Variants in NEB observed in about 807,000 individuals in gnomAD.
The protein encoded by NEB is nebulin.
NEB carries 512 observed loss-of-function variants against 952.2 expected under a neutral mutation model. The ratio of observed to expected loss-of-function variants is 0.54; its 90% CI spans 0.50 to 0.58. The LOEUF (loss-of-function observed/expected upper bound fraction) is 0.58, where lower values mean the gene tolerates loss of function less well. NEB is among the 20% of genes least tolerant of loss of function. The pLI is 0.00. For missense variants in NEB, 8,428 were observed against 9,231.1 expected (o/e 0.91, Z 3.56); for synonymous variants, 2,900 against 3,149.8 (o/e 0.92, Z 2.66).
chr2:151,709,713 C>T lies in NEB; in HGVS notation c.978G>A (p.Met326Ile). Residue 326 changes from methionine to isoleucine, a missense_variant, in exon 12 of 182, where the codon ATG becomes ATA. Met to Ile is a conservative substitution (Grantham distance 10). Transcript: ENST00000397345. ...FENMKDQIYF[M>I]QTETPEYKMN... The stretch of plus-strand genomic sequence containing the variant: ...TTTTATACTCTGGTGTTTCGGTCTG[C>T]ATGAAGTAGATCTGGTCTTTCATGT... The T allele has an allele frequency of 6.2e-7, 1 of 1,606,604 alleles. No homozygotes were observed. The highest frequency in any genetic ancestry group is 1.1e-5 in the South Asian group (1 of 89,428).
At position 151,610,057 on chromosome 2, in the gene NEB, C is replaced by T. The variant is rs2153972179; in HGVS notation, c.12082G>A (p.Asp4028Asn). The T allele has an allele frequency of 5.6e-6, 9 of 1,613,836 alleles. No homozygotes were observed. Among genetic ancestry groups the T allele is most frequent in the Non-Finnish European group, 7.6e-6 (9 of 1,179,836 alleles). ...GHHIGAQSIE[D>N]DPKIMCAIHA... ...ATGGCACACATAATCTTGGGATCAT[C>T]TTCAATGCTCTGGGCTCCAATGTGG... is the stretch of plus-strand genomic sequence containing the variant. Residue 4028 changes from aspartate (D) to asparagine (N), a missense_variant, in exon 81 of 182, where the codon GAT (aspartate) becomes AAT (asparagine). This residue lies in a region of NEB where 337 missense variants were observed against 297.5 expected (regional missense o/e 1.13). Transcript: ENST00000397345.
At position 151,671,027 on chromosome 2, in the gene NEB, C is replaced by T; in HGVS notation, c.4502G>A (p.Ser1501Asn). Residue 1501 changes from serine to asparagine, a missense_variant, in exon 38 of 182, where the codon AGT (serine) becomes AAT (asparagine). Physicochemically the swap from Ser to Asn is conservative, Grantham distance 46 (BLOSUM62 1). Coordinates refer to ENST00000397345, the MANE Select transcript of NEB (RefSeq NM_001164508.2). ...VLAQHNTKQL[S>N]DLNYKVEGEK... Reference sequence around the variant, plus strand: ...TTTTGAAAGGAAAGCACTCACATCACTTAGCTGCTTTGTGTTATGCTGAGC... The same window carrying T: ...TTTTGAAAGGAAAGCACTCACATCATTTAGCTGCTTTGTGTTATGCTGAGC... The T allele has an allele frequency of 6.2e-7, 1 of 1,613,324 alleles. No homozygotes were observed. Among genetic ancestry groups the T allele is most frequent in the South Asian group, 1.1e-5 (1 of 91,078 alleles).
chr2:151,696,615 C>T lies in NEB; in HGVS notation c.1569+22G>A, dbSNP rs368821800. The T allele has an allele frequency of 6.3e-5, 99 of 1,570,198 alleles. No homozygotes were observed. The African/African-American group carries it at 1.2e-3, about 19-fold the overall frequency. ...ATGTTATCCCTCATAATTGGGTGTC[C>T]TGAGTAGTTAGAGGAACTTACGTCA... is the stretch of plus-strand genomic sequence containing the variant. On this transcript the variant is annotated intron_variant, in intron 17 of 181. Coordinates refer to ENST00000397345, the MANE Select transcript of NEB (RefSeq NM_001164508.2).
Position 151,640,576 on chromosome 2 carries a change from G to A in NEB, c.8464C>T (p.His2822Tyr), listed in dbSNP as rs757579723. The A allele has an allele frequency of 1.2e-6, 2 of 1,613,880 alleles. No homozygotes were observed. The highest frequency in any genetic ancestry group is 1.7e-6 in the Non-Finnish European group (2 of 1,179,858). Reference sequence around the variant, plus strand: ...CTGTCACTCTGGATCTTGGCCACGTGCATGGACCACATCATCTTGGGGTCA... The same window carrying A: ...CTGTCACTCTGGATCTTGGCCACGTACATGGACCACATCATCTTGGGGTCA... ...RDDPKMMWSM[H>Y]VAKIQSDREY... The change falls in exon 61 of 182, where the codon CAC (histidine) becomes TAC (tyrosine). Residue 2822 changes from histidine to tyrosine, a missense_variant. Around this residue, in one of 11 missense-constraint regions of NEB, gnomAD observed 1,772 missense variants for 1,960.3 expected, o/e 0.90. Coordinates refer to ENST00000397345, the MANE Select transcript of NEB (RefSeq NM_001164508.2).
At chr2:151,535,543 T>C (rs577380338) in intron 142 of NEB, 148 bp downstream of exon 142, 1 of 548,116 alleles carries the variant, frequency 1.8e-6, no homozygotes, top group Non-Finnish European at 3.2e-6. Context: ...GATGGTGACA[T>C]TATAGAGTCT....
At chr2:151,527,459 G>T in intron 147 of NEB, 22 bp downstream of exon 147, 2 of 1,558,766 alleles carry the variant, frequency 1.3e-6, no homozygotes, top group Admixed American at 1.7e-5. Flanking sequence ...AGTTACAATC[G>T]TCTGTGTCTC....
chr2:151,644,038 T>C lies in NEB; in HGVS notation c.7736A>G (p.His2579Arg). The change falls in exon 57 of 182, where the codon CAT becomes CGT. Residue 2579 changes from histidine to arginine, a missense_variant. By Grantham distance (29) the His-to-Arg change is conservative. This residue lies in a region of NEB where 1,772 missense variants were observed against 1,960.3 expected (regional missense o/e 0.90). Coordinates refer to ENST00000397345, the MANE Select transcript of NEB (RefSeq NM_001164508.2). ...EDDPKMMWSM[H>R]VAKIQSDREY... is the part of the protein sequence containing the mutation. ...CCTGTCACTCTGGATCTTGGCCACA[T>C]GCATGGACCACATCATCTTGGGGTC... The C allele has an allele frequency of 6.2e-7, 1 of 1,613,998 alleles. No homozygotes were observed. Among genetic ancestry groups the C allele is most frequent in the Non-Finnish European group, 8.5e-7 (1 of 1,179,888 alleles).
At chr2:151,707,497 T>G (rs957717317) in intron 12 of NEB, among the ~76,000 whole-genome samples, 1 of 136,432 alleles carries the variant, frequency 7.3e-6, no homozygotes, top group Non-Finnish European at 1.6e-5. Context: ...GGAGCACACA[T>G]GTATTCAATT....
intron 10 of NEB, among the ~76,000 whole-genome samples, chr2:151,712,507 C>A (rs971612275): frequency 2.3e-4 from 35 of 152,190 alleles, no homozygotes; most frequent in African/African-American, 8.4e-4. Context: ...TCTTCACAGA[C>A]CACGACATGT....
chr2:151,584,236 T>C (rs376718485), intron 100 of NEB, among the ~76,000 whole-genome samples: 6 of 15,152 alleles, frequency 4.0e-4, no homozygotes, highest in African/African-American at 1.4e-3. Context: ...CATCACCAAG[T>C]TTCCCTGACA....
At chr2:151,622,793 G>A (rs1038878133) in intron 71 of NEB, among the ~76,000 whole-genome samples, 7 of 152,010 alleles carry the variant, frequency 4.6e-5, no homozygotes, top group Non-Finnish European at 5.9e-5. Context: ...TCAAATATAC[G>A]GTGAATATTC....
intron 52 of NEB, among the ~76,000 whole-genome samples, chr2:151,652,343 A>G (rs2099040049): frequency 6.6e-6 from 1 of 152,082 alleles, no homozygotes; most frequent in African/African-American, 2.4e-5. Context: ...CTCCCACCTC[A>G]GCCTCCCAAG....
chr2:151,578,705 G>A (rs1339117498), intron 105 of NEB, among the ~76,000 whole-genome samples: 1 of 144,426 alleles, frequency 6.9e-6, no homozygotes, highest in South Asian at 2.2e-4. Context: ...GAGAGAAGGA[G>A]GGAAGGAAGG....
chr2:151,563,089 A>C (rs1306079454), intron 119 of NEB, among the ~76,000 whole-genome samples: 1 of 137,112 alleles, frequency 7.3e-6, no homozygotes, highest in Non-Finnish European at 1.5e-5. Flanking sequence ...ATCTCCACTC[A>C]CTGCAACCTC....
At chr2:151,513,496 T>TA in intron 160 of NEB, 84 bp downstream of exon 160, 2 of 966,090 alleles carry the variant, frequency 2.1e-6, no homozygotes, top group Non-Finnish European at 1.6e-6. Context: ...CTGTCACCAA[T>TA]AAATCAGATG....
chr2:151,532,963 C>G (rs561766700), intron 143 of NEB, among the ~76,000 whole-genome samples: 1 of 152,168 alleles, frequency 6.6e-6, no homozygotes, highest in South Asian at 2.1e-4. Flanking sequence ...AATTCAGCAT[C>G]AAAGTCAAGA....
In NEB at chr2:151,563,847, C is replaced by T. The variant is rs145252235; in HGVS notation, c.18555G>A (p.Lys6185=). 0.014 allele frequency: 21,798 copies of T among 1,613,324 alleles called. 221 individuals are homozygous for T. The highest frequency in any genetic ancestry group is 0.023 in the South Asian group (2,068 of 91,050). The change falls in exon 118 of 182, where the codon AAG becomes AAA. Residue 6185 remains lysine, a synonymous_variant. Transcript: ENST00000397345. The part of the protein sequence containing the change: ...DERYIPIVGA[K]HADLVNSELK... ...CCTCACTGTTCACCAGATCAGCATG[C>T]TTGGCTCCAACAATGGGAATGTAGC... is the stretch of plus-strand genomic sequence containing the variant.
chr2:151,697,698 C>G, intron 13 of NEB, 50 bp from the exon 14 acceptor site: 1 of 1,098,708 alleles, frequency 9.1e-7, no homozygotes, highest in Non-Finnish European at 1.3e-6. Flanking sequence ...CACTCCCACG[C>G]TGATTATAAC....
chr2:151,636,799 A>C (rs566125535), intron 63 of NEB, among the ~76,000 whole-genome samples: 20 of 148,388 alleles, frequency 1.3e-4, no homozygotes, highest in Admixed American at 4.7e-4. Flanking sequence ...AAAACAAAAC[A>C]AAAAAAAAAG....
Sources: gnomAD v4.1 joint callset for allele counts (sites outside exome capture counted in the v4.1 genomes callset) on GRCh38, gnomAD v4.1.1 for gene constraint, gnomAD v4.1.1 regional missense constraint, MANE v1.5 for transcripts, NCBI Gene and HGNC (gene_info 2026-07-23, HGNC 2026-07-21) for gene names.